The following TRIM50 variants were observed in gnomAD, a reference collection of about 807,000 sequenced individuals.
TRIM50 encodes the protein E3 ubiquitin-protein ligase TRIM50.
Under a neutral mutation model 44.9 loss-of-function variants are expected in TRIM50, and 34 were observed. That is an observed-to-expected ratio of 0.76 (90% CI 0.58 to 1.01). The LOEUF (loss-of-function observed/expected upper bound fraction) is 1.01, where lower values mean the gene tolerates loss of function less well. Among genes scored for constraint, TRIM50 ranks in the 50% least tolerant of loss-of-function variants. The pLI is 0.00. For synonymous variants in TRIM50, 307 were observed against 291.1 expected (o/e 1.05, Z -0.56); for missense variants, 633 against 663.7 (o/e 0.95, Z 0.51).
chr7:73,316,937 A>G lies in TRIM50; in HGVS notation c.750-248T>C, dbSNP rs1169346452. Reference sequence around the variant, plus strand: ...GGGGACCAGCAGTGTTGGTTGGAAAATGGTCCAACCCATTCCCAGTAGAAA... The same window carrying G: ...GGGGACCAGCAGTGTTGGTTGGAAAGTGGTCCAACCCATTCCCAGTAGAAA... On this transcript the variant is annotated intron_variant, in intron 5 of 6. Coordinates refer to ENST00000333149, the MANE Select transcript of TRIM50 (RefSeq NM_178125.3). 15 of 402,012 alleles carry G rather than the reference A, an allele frequency of 3.7e-5. 1 individual carries two copies. The East Asian group carries it at 5.3e-4, about 14-fold the overall frequency. The allele number at this position is 402,012 out of a possible 1,614,324, so 24.9% of individuals were successfully genotyped here.
rs1583781909 is a variant in TRIM50, at chr7:73,320,898, C to A, written c.400-656G>T. Among the ~76,000 whole-genome samples, 3 of 151,802 alleles carry A rather than the reference C, an allele frequency of 2.0e-5. No homozygotes were observed. The South Asian group carries it at 6.2e-4, about 32-fold the overall frequency. On this transcript the variant is annotated intron_variant, in intron 2 of 6. Coordinates refer to ENST00000333149, the MANE Select transcript of TRIM50 (RefSeq NM_178125.3). ...AATTAGCCAGGCGTGGTGGTGCATG[C>A]CTGTAATCCCAGCTACTCGGGAGGC...
At chr7:73,322,480 T>C (rs1314230052) in intron 2 of TRIM50, among the ~76,000 whole-genome samples, 1 of 152,126 alleles carries the variant, frequency 6.6e-6, no homozygotes, top group African/African-American at 2.4e-5. Flanking sequence ...TAATAAAACA[T>C]AAACTCGGCT....
intron 1 of TRIM50, chr7:73,325,457 TG>T (rs1212165178): frequency 1.9e-5 from 3 of 154,606 alleles, no homozygotes; most frequent in Non-Finnish European, 4.4e-5. Flanking sequence ...AGCCCGACAT[TG>T]GAATACCTGG....
intron 6 of TRIM50, chr7:73,314,985 G>A: frequency 2.9e-6 from 1 of 339,722 alleles, no homozygotes; most frequent in Non-Finnish European, 5.7e-6. Context: ...AGGCAAGACT[G>A]GGATGTCTAG....
At position 73,324,598 on chromosome 7, in the gene TRIM50, T is replaced by G; in HGVS notation, c.190A>C (p.Ser64Arg). 2 of 1,614,086 alleles carry G rather than the reference T, an allele frequency of 1.2e-6. No individual in the cohort carries two copies. The highest frequency in any genetic ancestry group is 1.7e-6 in the Non-Finnish European group (2 of 1,179,998). ...PVCRQAVDGS[S>R]SLPNVSLARV... is the part of the protein sequence containing the mutation. ...GCCAGGGAGACGTTGGGCAGGGAGCTGCTGCCGTCCACCGCCTGCCGGCAC... is the reference window on the plus strand; with the variant it reads ...GCCAGGGAGACGTTGGGCAGGGAGCGGCTGCCGTCCACCGCCTGCCGGCAC... The change falls in exon 2 of 7, where the codon AGC (serine) becomes CGC (arginine). Residue 64 changes from serine (S) to arginine (R), a missense_variant. By Grantham distance (110) the Ser-to-Arg change is moderately radical (BLOSUM62 -1). Transcript: ENST00000333149.
In TRIM50 at chr7:73,313,207, C is replaced by T. The variant is rs782523434; in HGVS notation, c.1178G>A (p.Arg393Gln). The T allele has an allele frequency of 1.5e-5, 24 of 1,591,356 alleles. No individual in the cohort carries two copies. The highest frequency in any genetic ancestry group is 4.6e-5 in the East Asian group (2 of 43,904). ...GGGGCAGGCAAAGGCTTCGTACACC[C>T]GGCCCTCCTTCAGGCCGATCAGCCA... ...GVWLIGLKEGRVYEAFACPRV... is the reference protein window; with the variant it reads ...GVWLIGLKEGQVYEAFACPRV... The change falls in exon 7 of 7, where the codon CGG (arginine) becomes CAG (glutamine). Residue 393 changes from arginine (R) to glutamine (Q), a missense_variant. Physicochemically the swap from Arg to Gln is conservative, Grantham distance 43. Transcript: ENST00000333149. The surrounding 1 kb of genome is among the most constrained non-coding windows in gnomAD (Gnocchi z 4.9).
chr7:73,322,889 G>A (rs764620262), intron 2 of TRIM50, among the ~76,000 whole-genome samples: 9 of 151,996 alleles, frequency 5.9e-5, no homozygotes, highest in Non-Finnish European at 8.8e-5. Flanking sequence ...CACACCCCTC[G>A]ACCCGACTGC....
At chr7:73,322,832 G>A (rs567979408) in intron 2 of TRIM50, among the ~76,000 whole-genome samples, 105 of 152,274 alleles carry the variant, frequency 6.9e-4, no homozygotes, top group Admixed American at 1.8e-3. Context: ...CCAGGAGGAA[G>A]GACCCTCCAC....
intron 2 of TRIM50, among the ~76,000 whole-genome samples, chr7:73,322,265 C>T (rs1272849115): frequency 9.9e-5 from 15 of 152,270 alleles, no homozygotes; most frequent in African/African-American, 3.1e-4. Flanking sequence ...AGGAGAATGG[C>T]GTGAACCCGG....
Position 73,324,656 on chromosome 7 carries a change from G to A in TRIM50, c.132C>T (p.Ser44=), listed in dbSNP as rs782567798. The A allele has an allele frequency of 2.5e-6, 4 of 1,614,242 alleles. No homozygotes were observed. In the South Asian group the frequency reaches 4.4e-5, roughly 18 times the overall value. ...AGCGCAGCTCGGCATCCAGGTGGCA[G>A]GACAGGGAAACCAGGCAGCCCTTGC... The part of the protein sequence containing the change: ...SYCKGCLVSL[S]CHLDAELRCP... Residue 44 remains serine (S), a synonymous_variant, in exon 2 of 7, where the codon TCC becomes TCT. Coordinates refer to ENST00000333149, the MANE Select transcript of TRIM50 (RefSeq NM_178125.3).
At chr7:73,326,437 T>A (rs1313450441) in intron 1 of TRIM50, among the ~76,000 whole-genome samples, 1 of 150,338 alleles carries the variant, frequency 6.7e-6, no homozygotes, top group Admixed American at 6.7e-5. Context: ...TTCAAAGGTA[T>A]CCTTATTTAC....
chr7:73,323,064 G>A (rs554318721), intron 2 of TRIM50, among the ~76,000 whole-genome samples: 2 of 152,230 alleles, frequency 1.3e-5, no homozygotes, highest in South Asian at 4.1e-4. Flanking sequence ...ATTTGTCTTT[G>A]GTCTGCCCCA....
chr7:73,323,773 T>G (rs1255632196), intron 2 of TRIM50, among the ~76,000 whole-genome samples: 1 of 152,070 alleles, frequency 6.6e-6, no homozygotes, highest in Non-Finnish European at 1.5e-5. Flanking sequence ...AGGGCAGTGG[T>G]GCATGCCTAT....
At chr7:73,320,753 C>T (rs753186152) in intron 2 of TRIM50, among the ~76,000 whole-genome samples, 16 of 151,954 alleles carry the variant, frequency 1.1e-4, no homozygotes, top group African/African-American at 1.2e-4. Context: ...CTAGGCTGGG[C>T]GCAGTGGCTC....
At chr7:73,326,882 C>A (rs1360057044) in intron 1 of TRIM50, among the ~76,000 whole-genome samples, 1 of 152,076 alleles carries the variant, frequency 6.6e-6, no homozygotes, top group Non-Finnish European at 1.5e-5. Flanking sequence ...CTCCGCCTCC[C>A]GGGTTCAAGT....
rs1472415400 is a variant in TRIM50, at chr7:73,313,771, TTA to T, written c.875-263_875-262del. ...CATCCACCCAAGGCAAAAACAGTGT[TTA>T]TATAAAAGGGAGCAGCTTGGTGGGC... On this transcript the variant is annotated intron_variant, in intron 6 of 6. Coordinates refer to ENST00000333149, the MANE Select transcript of TRIM50 (RefSeq NM_178125.3). This position sits in a 1 kb window ranked among gnomAD's most constrained non-coding sequence, Gnocchi z 4.9. 2.0e-5 allele frequency among the ~76,000 whole-genome samples: 3 copies of T among 151,898 alleles called. No homozygotes were observed. Among genetic ancestry groups the T allele is most frequent in the African/African-American group, 4.8e-5 (2 of 41,336 alleles).
Position 73,324,703 on chromosome 7 carries a change from G to C in TRIM50, c.85C>G (p.Leu29Val), listed in dbSNP as rs199788745. The C allele has an allele frequency of 4.8e-5, 77 of 1,614,238 alleles. 1 individual carries two copies. The East Asian group carries it at 1.7e-3, about 35-fold the overall frequency. Reference sequence around the variant, plus strand: ...TTGCAGTAAGAGTGGCCACACTGCAGCATCAGGGGCTCCTTGAAGACCTCC... The same window carrying C: ...TTGCAGTAAGAGTGGCCACACTGCACCATCAGGGGCTCCTTGAAGACCTCC... Reference protein sequence around the residue: ...CLEVFKEPLMLQCGHSYCKGC... With the variant: ...CLEVFKEPLMVQCGHSYCKGC... Residue 29 changes from leucine (L) to valine (V), a missense_variant, in exon 2 of 7, where the codon CTG becomes GTG. By Grantham distance (32) the Leu-to-Val change is conservative (BLOSUM62 1). Transcript: ENST00000333149.
At chr7:73,317,853 T>C (rs1804396737) in intron 5 of TRIM50, among the ~76,000 whole-genome samples, 1 of 152,206 alleles carries the variant, frequency 6.6e-6, no homozygotes, top group Non-Finnish European at 1.5e-5. Context: ...GGGCTGATAC[T>C]GCCTGCTGCG....
chr7:73,313,288 A>C lies in TRIM50; in HGVS notation c.1097T>G (p.Ile366Ser). The C allele has an allele frequency of 6.2e-7, 1 of 1,605,242 alleles. No homozygotes were observed. Among genetic ancestry groups the C allele is most frequent in the Non-Finnish European group, 8.5e-7 (1 of 1,176,864 alleles). Residue 366 changes from isoleucine (I) to serine (S), a missense_variant, in exon 7 of 7, where the codon ATC (isoleucine) becomes AGC (serine). Physicochemically the swap from Ile to Ser is moderately radical, Grantham distance 142 (BLOSUM62 -2). Transcript: ENST00000333149. This position sits in a 1 kb window ranked among gnomAD's most constrained non-coding sequence, Gnocchi z 4.9. ...GCCCTTACGGCTGGCTGTGCCCTTG[A>C]TGACCCCCAGGCGCCAGTCGCTCTT... ...GSKSDWRLGV[I>S]KGTASRKGKL...
Sources: gnomAD v4.1 joint callset for allele counts (sites outside exome capture counted in the v4.1 genomes callset) on GRCh38, gnomAD v4.1.1 for gene constraint, Gnocchi (gnomAD v3.1) non-coding constraint, MANE v1.5 for transcripts, NCBI Gene and HGNC (gene_info 2026-07-23, HGNC 2026-07-21) for gene names.